The following MSI2 variants were observed in gnomAD, a reference collection of about 807,000 sequenced individuals.
MSI2 encodes musashi RNA binding protein 2.
In MSI2, 17 loss-of-function variants were observed where a neutral mutation model predicts 45.6. The ratio of observed to expected loss-of-function variants is 0.37; its 90% CI spans 0.26 to 0.56. The LOEUF is 0.56. Among genes scored for constraint, MSI2 ranks in the 20% least tolerant of loss-of-function variants. The pLI is 0.77. For missense variants in MSI2, 293 were observed against 444.2 expected (o/e 0.66, Z 3.06); for synonymous variants, 156 against 158.2 (o/e 0.99, Z 0.11).
At chr17:57,505,151 A>G (rs2086200492) in intron 6 of MSI2, among the ~76,000 whole-genome samples, 2 of 152,236 alleles carry the variant, frequency 1.3e-5, no homozygotes, top group South Asian at 4.2e-4. Context: ...GTCCCAGAAT[A>G]TCCATGTCAC....
chr17:57,568,169 A>G (rs1483630699), intron 7 of MSI2, among the ~76,000 whole-genome samples: 2 of 152,224 alleles, frequency 1.3e-5, no homozygotes, highest in African/African-American at 2.4e-5. Flanking sequence ...ACGTGAGGAC[A>G]TGAACCTTCT....
intron 6 of MSI2, among the ~76,000 whole-genome samples, chr17:57,482,350 T>G (rs926279805): frequency 1.3e-5 from 2 of 152,226 alleles, no homozygotes. Context: ...CATTTATTAT[T>G]TTGATGGGCA....
At chr17:57,649,533 A>C (rs1910970751) in intron 10 of MSI2, among the ~76,000 whole-genome samples, 1 of 151,886 alleles carries the variant, frequency 6.6e-6, no homozygotes, top group African/African-American at 2.4e-5. Context: ...TGACACACAT[A>C]CACTTAACAC....
chr17:57,400,247 CTT>C (rs11366722), intron 5 of MSI2, among the ~76,000 whole-genome samples: 88 of 144,918 alleles, frequency 6.1e-4, no homozygotes, highest in Admixed American at 6.8e-4. Context: ...TGTCATTCTC[CTT>C]TTTTTTTTTT....
intron 6 of MSI2, among the ~76,000 whole-genome samples, chr17:57,433,225 C>T (rs1014274074): frequency 6.6e-6 from 1 of 152,212 alleles, no homozygotes; most frequent in African/African-American, 2.4e-5. Flanking sequence ...ATGGTGTTCT[C>T]TCCCAAATTC....
intron 7 of MSI2, among the ~76,000 whole-genome samples, chr17:57,563,950 CCACCTG>C (rs2087662719): frequency 6.6e-6 from 1 of 152,166 alleles, no homozygotes; most frequent in South Asian, 2.1e-4. Flanking sequence ...GCTGAACAGC[CCACCTG>C]AGCCAGAATG....
intron 7 of MSI2, among the ~76,000 whole-genome samples, chr17:57,578,571 G>A (rs72833096): frequency 6.6e-6 from 1 of 151,836 alleles, no homozygotes; most frequent in Non-Finnish European, 1.5e-5. Context: ...GAGGGGAAGG[G>A]GACGGGAGAA....
At chr17:57,474,650 C>A (rs919181202) in intron 6 of MSI2, among the ~76,000 whole-genome samples, 1 of 152,126 alleles carries the variant, frequency 6.6e-6, no homozygotes, top group Admixed American at 6.6e-5. Context: ...CAGTGCCTGC[C>A]CCATGCTGTT....
chr17:57,320,492 C>T (rs1187690981), intron 5 of MSI2, among the ~76,000 whole-genome samples: 1 of 152,050 alleles, frequency 6.6e-6, no homozygotes, highest in East Asian at 1.9e-4. Flanking sequence ...GGAGAATCCT[C>T]AAGGGAGAAG....
intron 6 of MSI2, among the ~76,000 whole-genome samples, chr17:57,420,123 G>C: frequency 6.6e-6 from 1 of 152,182 alleles, no homozygotes; most frequent in Non-Finnish European, 1.5e-5. Context: ...TAGCTCTGTT[G>C]ACTGCCCTCT....
At chr17:57,406,016 T>C (rs2084074972) in intron 6 of MSI2, among the ~76,000 whole-genome samples, 1 of 152,208 alleles carries the variant, frequency 6.6e-6, no homozygotes, top group Admixed American at 6.5e-5. Flanking sequence ...CTCTTTTTAC[T>C]TTTATAAAGC....
At chr17:57,446,255 G>A (rs1275457949) in intron 6 of MSI2, among the ~76,000 whole-genome samples, 1 of 152,174 alleles carries the variant, frequency 6.6e-6, no homozygotes, top group African/African-American at 2.4e-5. Context: ...CCATGCAGTT[G>A]CCAAGGCAAG....
intron 5 of MSI2, among the ~76,000 whole-genome samples, chr17:57,334,122 G>A (rs750153518): frequency 3.9e-5 from 6 of 152,202 alleles, no homozygotes; most frequent in Admixed American, 2.0e-4. Flanking sequence ...ACACGGATGC[G>A]TGGAGACTGA....
chr17:57,663,638 A>G (rs1172082449), intron 11 of MSI2, among the ~76,000 whole-genome samples: 1 of 152,200 alleles, frequency 6.6e-6, no homozygotes, highest in Non-Finnish European at 1.5e-5. Flanking sequence ...AAAGACAGAC[A>G]CACAGCAGCA....
intron 6 of MSI2, among the ~76,000 whole-genome samples, chr17:57,466,220 A>C (rs1340812326): frequency 2.0e-5 from 3 of 152,194 alleles, no homozygotes; most frequent in Admixed American, 6.5e-5. Context: ...GAGGCTTCTG[A>C]CTGGAATTTC....
Position 57,652,019 on chromosome 17 carries a change from T to C in MSI2, c.728-80T>C, listed in dbSNP as rs1043740445. Reference sequence around the variant, plus strand: ...TGTCTTTGTGTGGAGGGCGGGGGGTTGTGTGGCCCGTGACCTAGGTCTGTG... The same window carrying C: ...TGTCTTTGTGTGGAGGGCGGGGGGTCGTGTGGCCCGTGACCTAGGTCTGTG... On this transcript the variant is annotated intron_variant, in intron 10 of 13. Coordinates refer to ENST00000284073, the MANE Select transcript of MSI2 (RefSeq NM_138962.4). The surrounding 1 kb of genome is among the most constrained non-coding windows in gnomAD (Gnocchi z 4.1). The C allele has an allele frequency of 1.5e-5, 20 of 1,327,064 alleles. No homozygotes were observed. Among genetic ancestry groups the C allele is most frequent in the Non-Finnish European group, 2.1e-5 (19 of 920,166 alleles). 82.2% of individuals were successfully genotyped at this position (1,327,064 alleles called of 1,614,324 possible).
intron 5 of MSI2, among the ~76,000 whole-genome samples, chr17:57,389,899 T>C (rs2083755974): frequency 6.6e-6 from 1 of 152,104 alleles, no homozygotes; most frequent in Admixed American, 6.5e-5. Flanking sequence ...CCTTCTGCTC[T>C]TCTGTGGCTC....
intron 7 of MSI2, among the ~76,000 whole-genome samples, chr17:57,577,404 G>A (rs536192985): frequency 1.3e-5 from 2 of 152,314 alleles, no homozygotes; most frequent in Non-Finnish European, 2.9e-5. Context: ...TGAAAGTCCA[G>A]CCTGGTCCAA....
intron 6 of MSI2, among the ~76,000 whole-genome samples, chr17:57,437,941 G>A (rs752359289): frequency 6.6e-6 from 1 of 152,328 alleles, no homozygotes; most frequent in East Asian, 1.9e-4. Context: ...AGAGACGCAC[G>A]CAGAAAGCCG....
Sources: gnomAD v4.1 joint callset for allele counts (sites outside exome capture counted in the v4.1 genomes callset) on GRCh38, gnomAD v4.1.1 for gene constraint, Gnocchi (gnomAD v3.1) non-coding constraint, MANE v1.5 for transcripts, NCBI Gene and HGNC (gene_info 2026-07-23, HGNC 2026-07-21) for gene names.